The following TBXAS1 variants were observed in gnomAD, a reference collection of about 807,000 sequenced individuals.
TBXAS1 encodes the protein thromboxane A synthase 1.
TBXAS1 carries 48 observed loss-of-function variants against 60.7 expected under a neutral mutation model. That is an observed-to-expected ratio of 0.79 (90% CI 0.63 to 1.01). TBXAS1 has a LOEUF of 1.01. Among genes scored for constraint, TBXAS1 ranks in the 50% least tolerant of loss-of-function variants. The probability of loss-of-function intolerance (pLI) is 0.00; values close to 1 mark genes in which losing one functional copy is unlikely to be tolerated. For missense variants in TBXAS1, 685 were observed against 686.3 expected, an observed-to-expected ratio of 1.00 and a Z score of 0.02; for synonymous variants, 287 against 269.7, an observed-to-expected ratio of 1.06 and a Z score of -0.63.
chr7:139,840,385 C>T (rs771452263), intron 1 of TBXAS1, among the ~76,000 whole-genome samples: 1 of 152,172 alleles, frequency 6.6e-6, no homozygotes, highest in Admixed American at 6.5e-5. Flanking sequence ...TTCCCAACTT[C>T]GGTTCCTAAA....
At chr7:139,952,567 T>A in intron 5 of TBXAS1, 3 of 1,537,238 alleles carry the variant, frequency 2.0e-6, no homozygotes, top group Non-Finnish European at 2.6e-6. Context: ...CTTTTAATCA[T>A]GCAAGAGAGA....
intron 1 of TBXAS1, among the ~76,000 whole-genome samples, chr7:139,864,326 C>A (rs1801193632): frequency 6.6e-6 from 1 of 150,638 alleles, no homozygotes; most frequent in Non-Finnish European, 1.5e-5. Context: ...CTCTTCTCTG[C>A]ACAAAATCAT....
At chr7:139,881,039 A>G (rs1297399237) in intron 3 of TBXAS1, among the ~76,000 whole-genome samples, 1 of 152,206 alleles carries the variant, frequency 6.6e-6, no homozygotes, top group African/African-American at 2.4e-5. Flanking sequence ...AATTATGAGC[A>G]AGTTTGAGCA....
rs1249142538 is a variant in TBXAS1 at position 139,883,729 on chromosome 7, ATT to A, written c.236+8095_236+8096del. Among the ~76,000 whole-genome samples, 4 of 152,200 alleles carry A rather than the reference ATT, an allele frequency of 2.6e-5. No homozygotes were observed. In the East Asian group the frequency reaches 5.8e-4, roughly 22 times the overall value. ...ATGTGGGATTTGGACTAGGTCGGTG[ATT>A]TTGACACTGTTTAATCATGAACCTC... On this transcript the variant is annotated intron_variant, in intron 3 of 12. Coordinates refer to ENST00000448866, the MANE Select transcript of TBXAS1 (RefSeq NM_001061.7).
intron 5 of TBXAS1, among the ~76,000 whole-genome samples, chr7:139,946,446 A>C (rs1233964752): frequency 2.6e-5 from 4 of 152,226 alleles, no homozygotes; most frequent in Non-Finnish European, 5.9e-5. Flanking sequence ...CTTAGGCTAT[A>C]GTCTTTTTTC....
intron 3 of TBXAS1, among the ~76,000 whole-genome samples, chr7:139,893,525 C>A (rs904564585): frequency 2.0e-5 from 3 of 152,160 alleles, no homozygotes; most frequent in Non-Finnish European, 2.9e-5. Flanking sequence ...AACAACTTTG[C>A]CTTATAGGCT....
intron 2 of TBXAS1, among the ~76,000 whole-genome samples, chr7:139,873,668 C>T (rs1801994988): frequency 1.3e-5 from 2 of 152,072 alleles, no homozygotes; most frequent in African/African-American, 4.8e-5. Flanking sequence ...AAGTATGTTG[C>T]TTGGGATTTG....
chr7:139,826,497 G>T (rs995574828), upstream of TBXAS1, among the ~76,000 whole-genome samples: 4 of 152,146 alleles, frequency 2.6e-5, no homozygotes, highest in Non-Finnish European at 5.9e-5. Flanking sequence ...AAGGTTCTTG[G>T]CACCTGTGCG....
intron 2 of TBXAS1, among the ~76,000 whole-genome samples, chr7:139,873,073 G>C (rs1801942974): frequency 6.6e-6 from 1 of 152,126 alleles, no homozygotes; most frequent in African/African-American, 2.4e-5. Flanking sequence ...GATCTGTCAG[G>C]GCTAAAATCA....
intron 7 of TBXAS1, 67 bp from the exon 8 acceptor site, chr7:139,957,567 A>C: frequency 1.2e-6 from 2 of 1,610,074 alleles, no homozygotes; most frequent in Non-Finnish European, 1.7e-6. Context: ...TCCCGGGAAC[A>C]GGCGTCTAAT....
chr7:139,836,990 T>C (rs1286750189), intron 1 of TBXAS1, among the ~76,000 whole-genome samples: 2 of 151,782 alleles, frequency 1.3e-5, no homozygotes, highest in East Asian at 3.9e-4. Flanking sequence ...CATCAAAAAG[T>C]GGGCTAAGAA....
intron 4 of TBXAS1, among the ~76,000 whole-genome samples, chr7:139,920,741 C>T (rs1806401335): frequency 6.6e-6 from 1 of 152,216 alleles, no homozygotes; most frequent in African/African-American, 2.4e-5. Context: ...AATGTGACCA[C>T]TGTCTGAAAA....
In TBXAS1 at chr7:139,972,552, C is replaced by T. The variant is rs542884711; in HGVS notation, c.1134+10319C>T. On this transcript the variant is annotated intron_variant, in intron 9 of 12. Transcript: ENST00000448866. Reference sequence around the variant, plus strand: ...CTCTTGAAATAAAAGAATAAACATACTTTTTTTTTAACTTCCCCAGACTCT... The same window carrying T: ...CTCTTGAAATAAAAGAATAAACATATTTTTTTTTTAACTTCCCCAGACTCT... Among the ~76,000 whole-genome samples, 18 of 151,480 alleles carry T rather than the reference C, an allele frequency of 1.2e-4. No homozygotes were observed. In the South Asian group the frequency reaches 3.8e-3, roughly 32 times the overall value.
chr7:139,847,887 T>A lies in TBXAS1; in HGVS notation c.89+18408T>A, dbSNP rs1362343682. Reference sequence around the variant, plus strand: ...CCCATGCTGAAGTGCAGTGGTGCAATCATAGCTCACTGCAGCCTCAAACTT... The same window carrying A: ...CCCATGCTGAAGTGCAGTGGTGCAAACATAGCTCACTGCAGCCTCAAACTT... On this transcript the variant is annotated intron_variant, in intron 1 of 12. Coordinates refer to ENST00000448866, the MANE Select transcript of TBXAS1 (RefSeq NM_001061.7). 3.3e-5 allele frequency among the ~76,000 whole-genome samples: 5 copies of A among 152,200 alleles called. No homozygotes were observed. In the East Asian group the frequency reaches 9.6e-4, roughly 29 times the overall value.
At chr7:139,832,211 A>T (rs1424731175) in intron 1 of TBXAS1, among the ~76,000 whole-genome samples, 1 of 152,186 alleles carries the variant, frequency 6.6e-6, no homozygotes, top group Admixed American at 6.5e-5. Context: ...CTCTCCCAAC[A>T]CACTCCCCCA....
At chr7:139,810,846 G>T (rs762837497) in intron 4 of TBXAS1, among the ~76,000 whole-genome samples, 1 of 152,208 alleles carries the variant, frequency 6.6e-6, no homozygotes, top group Non-Finnish European at 1.5e-5. Context: ...TCTTAAGCAA[G>T]ATTTATATTT....
At chr7:139,781,057 A>C (rs1474251271) in intron 2 of TBXAS1, among the ~76,000 whole-genome samples, 1 of 152,234 alleles carries the variant, frequency 6.6e-6, no homozygotes, top group East Asian at 1.9e-4. Context: ...AATCTTGGGC[A>C]AGGAAATAGA....
intron 4 of TBXAS1, among the ~76,000 whole-genome samples, chr7:139,809,225 TA>T (rs1158457028): frequency 1.7e-3 from 189 of 108,744 alleles, no homozygotes; most frequent in African/African-American, 2.2e-3. Flanking sequence ...GATAGATAGA[TA>T]GATAGATGAT....
intron 9 of TBXAS1, among the ~76,000 whole-genome samples, chr7:139,964,346 A>G (rs774483228): frequency 2.6e-5 from 4 of 152,178 alleles, no homozygotes; most frequent in Non-Finnish European, 5.9e-5. Flanking sequence ...CGGCCTCCCA[A>G]AGTGCTGGGA....
Sources: gnomAD v4.1 joint callset for allele counts (sites outside exome capture counted in the v4.1 genomes callset) on GRCh38, gnomAD v4.1.1 for gene constraint, MANE v1.5 for transcripts, NCBI Gene and HGNC (gene_info 2026-07-23, HGNC 2026-07-21) for gene names.